AGR2: variants seen among roughly 807,000 people sequenced by gnomAD.
The protein encoded by AGR2 is anterior gradient 2, protein disulphide isomerase family member, also known as anterior gradient protein 2 homolog.
AGR2 carries 27 observed loss-of-function variants against 25.9 expected under a neutral mutation model. The ratio of observed to expected loss-of-function variants is 1.04; its 90% CI spans 0.77 to 1.44. The LOEUF (loss-of-function observed/expected upper bound fraction) is 1.44, where lower values mean the gene tolerates loss of function less well. Ranked by LOEUF, AGR2 falls within the 40% of genes most tolerant of loss-of-function variation. AGR2 has a pLI of 0.00. For missense variants in AGR2, 182 were observed against 200.9 expected, an observed-to-expected ratio of 0.91 and a Z score of 0.57; for synonymous variants, 78 against 72.0, an observed-to-expected ratio of 1.08 and a Z score of -0.42.
intron 6 of AGR2, among the ~76,000 whole-genome samples, chr7:16,797,177 C>T (rs1785061878): frequency 6.6e-6 from 1 of 152,120 alleles, no homozygotes; most frequent in African/African-American, 2.4e-5. Flanking sequence ...ATCTGCCGGC[C>T]TTGGCCTCCC....
chr7:16,798,277 A>G (rs1461364829), intron 5 of AGR2, among the ~76,000 whole-genome samples: 2 of 152,186 alleles, frequency 1.3e-5, no homozygotes, highest in Non-Finnish European at 2.9e-5. Flanking sequence ...GACTTTCTGA[A>G]GTGGATAAGG....
intron 7 of AGR2, chr7:16,794,664 C>G: frequency 1.3e-6 from 1 of 753,854 alleles, no homozygotes; most frequent in Non-Finnish European, 2.1e-6. Context: ...AACAGAAAAC[C>G]TGAAAATCAG....
chr7:16,801,942 G>A (rs921090302), intron 1 of AGR2, 139 bp from the exon 2 acceptor site: 1 of 630,036 alleles, frequency 1.6e-6, no homozygotes, highest in Non-Finnish European at 2.6e-6. Context: ...GGCGTAAATA[G>A]CTCTGTTCCA....
intron 1 of AGR2, among the ~76,000 whole-genome samples, chr7:16,803,650 C>G (rs1185215913): frequency 6.6e-6 from 1 of 152,110 alleles, no homozygotes. Context: ...CAGGGATATA[C>G]TTTGTTCATT....
At position 16,804,563 on chromosome 7, in the gene AGR2, G is replaced by C. The variant is rs181909223; in HGVS notation, c.-8+372C>G. Among the ~76,000 whole-genome samples the C allele has an allele frequency of 1.6e-3, 245 of 152,304 alleles. 1 individual carries two copies. Among genetic ancestry groups the C allele is most frequent in the African/African-American group, 5.4e-3 (226 of 41,562 alleles). On this transcript the variant is annotated intron_variant, in intron 1 of 7. Coordinates refer to ENST00000419304, the MANE Select transcript of AGR2 (RefSeq NM_006408.4). The stretch of plus-strand genomic sequence containing the variant: ...CAATCCGAGCTGAGGTGTCATAGTG[G>C]AGAAGCCTATGGGGCTTTGCTTTAG...
intron 1 of AGR2, among the ~76,000 whole-genome samples, chr7:16,802,781 T>C (rs542816232): frequency 3.6e-4 from 55 of 152,170 alleles, no homozygotes; most frequent in African/African-American, 1.3e-3. Context: ...AATAGATAAA[T>C]AGAGATATAT....
chr7:16,801,684 GGTCGAGA>G lies in AGR2; in HGVS notation c.106_112del (p.Ser36ProfsTer35). The G allele has an allele frequency of 6.2e-7, 1 of 1,613,716 alleles. No homozygotes were observed. The highest frequency in any genetic ancestry group is 8.5e-7 in the Non-Finnish European group (1 of 1,179,950). Reference sequence around the variant, plus strand: ...TCTGGAGAGGGTCTGGGGCAGTTTGGGTCGAGAGTCCTTTGTGTCCTTTTTGGCTCCA... The same window carrying G: ...TCTGGAGAGGGTCTGGGGCAGTTTGGGTCCTTTGTGTCCTTTTTGGCTCCA... On this transcript the variant is annotated frameshift_variant, in exon 2 of 8. Transcript: ENST00000419304. LOFTEE classifies it high-confidence loss of function.
At chr7:16,798,616 CAG>C (rs1366288123) in intron 5 of AGR2, among the ~76,000 whole-genome samples, 2 of 152,158 alleles carry the variant, frequency 1.3e-5, no homozygotes, top group African/African-American at 4.8e-5. Flanking sequence ...TGGGATTAGA[CAG>C]AGTTTATCTT....
chr7:16,799,876 C>A, intron 4 of AGR2, 59 bp from the exon 5 acceptor site: 1 of 1,205,992 alleles, frequency 8.3e-7, no homozygotes, highest in Non-Finnish European at 1.2e-6. Context: ...AAGCTTTGTT[C>A]AATTTTCAGT....
chr7:16,799,647 T>C lies in AGR2; in HGVS notation c.330+97A>G, dbSNP rs1180856148. Reference sequence around the variant, plus strand: ...ATGGGATATTTGGAAGCAATCCCAGTTAATGCAGTATAACTAAGATGTATA... The same window carrying C: ...ATGGGATATTTGGAAGCAATCCCAGCTAATGCAGTATAACTAAGATGTATA... On this transcript the variant is annotated intron_variant, in intron 5 of 7. Coordinates refer to ENST00000419304, the MANE Select transcript of AGR2 (RefSeq NM_006408.4). 4 of 787,978 alleles carry C rather than the reference T, an allele frequency of 5.1e-6. No homozygotes were observed. In the African/African-American group the frequency reaches 6.9e-5, roughly 14 times the overall value. 48.8% of individuals were successfully genotyped at this position (787,978 alleles called of 1,614,324 possible). A position where few individuals can be genotyped will look rare whatever the true frequency, so the allele number is the denominator to read the frequency against.
intron 7 of AGR2, chr7:16,794,585 T>G (rs1562525741): frequency 6.8e-6 from 3 of 444,422 alleles, no homozygotes; most frequent in Non-Finnish European, 1.2e-5. Flanking sequence ...TTTAAAAAAT[T>G]AAGACATGCA....
In AGR2 at chr7:16,799,817, G is replaced by C. The variant is rs750722379; in HGVS notation, c.257C>G (p.Ala86Gly). ...ATTTTCAGCAAACACTTTCTTTAAA[G>C]CTATAATATAAAGAAAAATCATTAA... ...HHLDECPHSQ[A>G]LKKVFAENKE... The change falls in exon 5 of 8, where the codon GCT becomes GGT. Residue 86 changes from alanine to glycine, a missense_variant and splice_region_variant. Transcript: ENST00000419304. 1 of 1,601,436 alleles carries C rather than the reference G, an allele frequency of 6.2e-7. No homozygotes were observed. The highest frequency in any genetic ancestry group is 1.3e-5 in the African/African-American group (1 of 74,730).
intron 4 of AGR2, 55 bp from the exon 5 acceptor site, chr7:16,799,872 T>C: frequency 8.0e-7 from 1 of 1,242,406 alleles, no homozygotes; most frequent in East Asian, 2.4e-5. Flanking sequence ...TTAAAAGCTT[T>C]GTTCAATTTT....
intron 1 of AGR2, among the ~76,000 whole-genome samples, chr7:16,802,116 G>A (rs777465609): frequency 8.6e-5 from 13 of 151,976 alleles, no homozygotes; most frequent in African/African-American, 9.7e-5. Flanking sequence ...GGTCAACCGC[G>A]TCCAAAATAA....
chr7:16,793,725 G>A (rs1784998490), intron 7 of AGR2, among the ~76,000 whole-genome samples: 2 of 152,196 alleles, frequency 1.3e-5, no homozygotes, highest in African/African-American at 2.4e-5. Flanking sequence ...GAGAGAGGCT[G>A]AGTAGCTTGC....
chr7:16,802,554 C>G lies in AGR2; in HGVS notation c.-7-751G>C, dbSNP rs555546424. 8.5e-5 allele frequency among the ~76,000 whole-genome samples: 13 copies of G among 152,194 alleles called. No homozygotes were observed. In the East Asian group the frequency reaches 2.5e-3, roughly 29 times the overall value. On this transcript the variant is annotated intron_variant, in intron 1 of 7. Transcript: ENST00000419304. Reference sequence around the variant, plus strand: ...ATGAATACTCTATTGGAAGTAAAAACCAGAATGGTTATATGGATACTTGAA... The same window carrying G: ...ATGAATACTCTATTGGAAGTAAAAAGCAGAATGGTTATATGGATACTTGAA...
chr7:16,801,361 C>T lies in AGR2; in HGVS notation c.162G>A (p.Trp54Ter), dbSNP rs571982598. 1.5e-5 allele frequency: 25 copies of T among 1,613,560 alleles called. No individual in the cohort carries two copies. Among genetic ancestry groups the T allele is most frequent in the Non-Finnish European group, 1.9e-5 (23 of 1,179,794 alleles). ...ATAGAGCTTCTTCATATGTCTGAGT[C>T]CAGATGAGTTGGTCACCCCAACCTA... ...LSRGWGDQLI[W>*]TQTYEEALYK... The change falls in exon 3 of 8, where the codon TGG (tryptophan) becomes TGA (stop). Residue 54 changes from tryptophan to a stop codon, truncating the protein, a stop_gained. Transcript: ENST00000419304. LOFTEE classifies it high-confidence loss of function.
At chr7:16,801,933 GCGTAAAT>G in intron 1 of AGR2, 130 bp from the exon 2 acceptor site, 1 of 668,602 alleles carries the variant, frequency 1.5e-6, no homozygotes. Flanking sequence ...TACGAGATTG[GCGTAAAT>G]AGCTCTGTTC....
At position 16,801,730 on chromosome 7, in the gene AGR2, T is replaced by C. The variant is rs1423292552; in HGVS notation, c.67A>G (p.Thr23Ala). The change falls in exon 2 of 8, where the codon ACC (threonine) becomes GCC (alanine). Residue 23 changes from threonine to alanine, a missense_variant. Thr to Ala is a moderately conservative substitution (Grantham distance 58). Coordinates refer to ENST00000419304, the MANE Select transcript of AGR2 (RefSeq NM_006408.4). The stretch of plus-strand genomic sequence containing the variant: ...TTTTTGGCTCCAGGTTTGACTGTGG[T>C]ATCTCTGGCCAGAGTGTAGGAGAGG... ...VALSYTLARD[T>A]TVKPGAKKDT... 6.2e-7 allele frequency: 1 copy of C among 1,613,712 alleles called. No homozygotes were observed. Among genetic ancestry groups the C allele is most frequent in the African/African-American group, 1.3e-5 (1 of 74,868 alleles).
Sources: gnomAD v4.1 joint callset for allele counts (sites outside exome capture counted in the v4.1 genomes callset) on GRCh38, gnomAD v4.1.1 for gene constraint, MANE v1.5 for transcripts, NCBI Gene and HGNC (gene_info 2026-07-23, HGNC 2026-07-21) for gene names.